BAZ1B: variants seen among roughly 807,000 people sequenced by gnomAD.
BAZ1B encodes bromodomain adjacent to zinc finger domain 1B.
In BAZ1B, 22 loss-of-function variants were observed where a neutral mutation model predicts 153.8. The observed-to-expected ratio is 0.14, with a 90% CI of 0.10 to 0.20. The LOEUF (loss-of-function observed/expected upper bound fraction) is 0.20. BAZ1B is among the 10% of genes least tolerant of loss of function. BAZ1B has a pLI of 1.00. For missense variants in BAZ1B, 1,325 were observed against 1,799.3 expected (o/e 0.74, Z 4.77); for synonymous variants, 676 against 633.4 (o/e 1.07, Z -1.01).
intron 6 of BAZ1B, among the ~76,000 whole-genome samples, chr7:73,481,776 G>C (rs531393330): frequency 6.6e-6 from 1 of 152,164 alleles, no homozygotes; most frequent in African/African-American, 2.4e-5. Context: ...GGTGGCTCAC[G>C]CCTGTAATCC....
chr7:73,493,181 C>T (rs1199034851), intron 4 of BAZ1B, among the ~76,000 whole-genome samples: 3 of 152,174 alleles, frequency 2.0e-5, no homozygotes, highest in Non-Finnish European at 4.4e-5. Flanking sequence ...CTATGAGAGG[C>T]CGGGCGTGGT....
intron 1 of BAZ1B, among the ~76,000 whole-genome samples, chr7:73,515,086 A>C (rs1790743572): frequency 6.6e-6 from 1 of 152,074 alleles, no homozygotes; most frequent in Admixed American, 6.6e-5. Flanking sequence ...AAAAACAAAA[A>C]ACCTCCAAAC....
chr7:73,493,601 G>A (rs1357953609), intron 4 of BAZ1B, among the ~76,000 whole-genome samples: 1 of 152,086 alleles, frequency 6.6e-6, no homozygotes, highest in African/African-American at 2.4e-5. Context: ...AGCACTTTGG[G>A]AGGCCAAGGC....
chr7:73,505,304 G>A (rs921883450), intron 3 of BAZ1B, among the ~76,000 whole-genome samples: 2 of 152,022 alleles, frequency 1.3e-5, no homozygotes, highest in Non-Finnish European at 2.9e-5. Flanking sequence ...CACAACTCAG[G>A]GGACAGCAAA....
rs1287497224 is a variant in BAZ1B, at chr7:73,481,812, C to G, written c.892-3243G>C. 2.6e-5 allele frequency among the ~76,000 whole-genome samples: 4 copies of G among 152,180 alleles called. No homozygotes were observed. In the South Asian group the frequency reaches 8.3e-4, roughly 32 times the overall value. Reference sequence around the variant, plus strand: ...CAGCACTTTGGAAGGCTGAGGCGGGCAGATCACGAGGTCAAGAGATCGAGA... The same window carrying G: ...CAGCACTTTGGAAGGCTGAGGCGGGGAGATCACGAGGTCAAGAGATCGAGA... On this transcript the variant is annotated intron_variant, in intron 6 of 19. Coordinates refer to ENST00000339594, the MANE Select transcript of BAZ1B (RefSeq NM_032408.4).
chr7:73,494,276 G>C (rs183282975), intron 4 of BAZ1B, among the ~76,000 whole-genome samples: 507 of 152,164 alleles, frequency 3.3e-3, no homozygotes, highest in Middle Eastern at 0.014. Flanking sequence ...CCAGCTACTC[G>C]GGAGGCTGAG....
At chr7:73,447,452 C>T (rs2237280) in intron 15 of BAZ1B, 73 bp from the exon 16 acceptor site, 65,471 of 1,511,298 alleles carry the variant, frequency 0.043, 5,661 homozygotes, top group East Asian at 0.36. Flanking sequence ...TCAAATCCCA[C>T]AGGGATCAGG....
chr7:73,453,970 A>C (rs1788105105), intron 13 of BAZ1B, among the ~76,000 whole-genome samples: 1 of 152,024 alleles, frequency 6.6e-6, no homozygotes, highest in Non-Finnish European at 1.5e-5. Context: ...ACAGAGTGAG[A>C]CCCTGTTATT....
rs782241773 is a variant in BAZ1B, at chr7:73,469,680, A to G, written c.2733-30T>C. 3 of 1,612,332 alleles carry G rather than the reference A, an allele frequency of 1.9e-6. No homozygotes were observed. The South Asian group carries it at 3.3e-5, about 18-fold the overall frequency. On this transcript the variant is annotated intron_variant, in intron 8 of 19. Coordinates refer to ENST00000339594, the MANE Select transcript of BAZ1B (RefSeq NM_032408.4). ...AAATCACAACCAGTATTAATAAGAC[A>G]GTGAATAGATCAGGATTGCAGGATG... is the stretch of plus-strand genomic sequence containing the variant.
At chr7:73,442,607 G>GC in intron 18 of BAZ1B, 54 bp from the exon 19 acceptor site, 1 of 1,562,154 alleles carries the variant, frequency 6.4e-7, no homozygotes, top group Non-Finnish European at 8.7e-7. Flanking sequence ...CAGTGCCCCT[G>GC]CCACTGAGAC....
chr7:73,444,595 A>G (rs1389357656), intron 16 of BAZ1B, among the ~76,000 whole-genome samples: 2 of 152,222 alleles, frequency 1.3e-5, no homozygotes, highest in Non-Finnish European at 2.9e-5. Context: ...GTTATTCTAC[A>G]CTTACCATCA....
chr7:73,507,967 C>T (rs1229139876), intron 3 of BAZ1B, among the ~76,000 whole-genome samples: 2 of 151,706 alleles, frequency 1.3e-5, no homozygotes, highest in Non-Finnish European at 2.9e-5. Flanking sequence ...CCAGCCTGGC[C>T]AAAATGGTGA....
At chr7:73,448,651 C>A (rs1301929239) in intron 15 of BAZ1B, among the ~76,000 whole-genome samples, 1 of 152,198 alleles carries the variant, frequency 6.6e-6, no homozygotes, top group East Asian at 1.9e-4. Context: ...AAGCCATGGG[C>A]AGTTTACCCA....
At chr7:73,495,935 T>A (rs1476304319) in intron 4 of BAZ1B, among the ~76,000 whole-genome samples, 1 of 152,318 alleles carries the variant, frequency 6.6e-6, no homozygotes, top group Admixed American at 6.5e-5. Flanking sequence ...ATAATTAATC[T>A]ATGCAACCAA....
intron 12 of BAZ1B, 151 bp from the exon 13 acceptor site, chr7:73,459,869 T>A: frequency 1.4e-6 from 1 of 701,016 alleles, no homozygotes; most frequent in Non-Finnish European, 2.3e-6. Flanking sequence ...TTAACTGTGC[T>A]CCTCAGTTCA....
At position 73,521,958 on chromosome 7, in the gene BAZ1B, C is replaced by A. The variant is rs1554580323; in HGVS notation, c.-25G>T. ...TCGCGGCGGCGGCGGTGGGGACTGGCGGCTGCTGGGGCCGGCCCCGCGGCG... is the reference window on the plus strand; with the variant it reads ...TCGCGGCGGCGGCGGTGGGGACTGGAGGCTGCTGGGGCCGGCCCCGCGGCG... On this transcript the variant is annotated 5_prime_UTR_variant, in exon 1 of 20. Transcript: ENST00000339594. The A allele has an allele frequency of 7.1e-7, 1 of 1,407,154 alleles. No individual in the cohort carries two copies. The highest frequency in any genetic ancestry group is 9.3e-7 in the Non-Finnish European group (1 of 1,071,286). 87.2% of individuals were successfully genotyped at this position (1,407,154 alleles called of 1,614,324 possible).
At chr7:73,475,672 C>T (rs1390979392) in intron 7 of BAZ1B, among the ~76,000 whole-genome samples, 3 of 152,182 alleles carry the variant, frequency 2.0e-5, no homozygotes, top group South Asian at 2.1e-4. Flanking sequence ...CAGTGGCTCA[C>T]GCCTGTAATC....
chr7:73,472,011 C>T (rs967536661), intron 7 of BAZ1B, among the ~76,000 whole-genome samples: 3 of 152,146 alleles, frequency 2.0e-5, no homozygotes, highest in South Asian at 4.1e-4. Flanking sequence ...TCAGAGGTTA[C>T]AGCACTGAAC....
In BAZ1B at chr7:73,492,801, T is replaced by G. The variant is rs1554575742; in HGVS notation, c.692A>C (p.Lys231Thr). ...GTAAAAAGTAAAGTGTCAACTAACC[T>G]TATCTTCATTTTGTAGTTTCACATC... ...KYDVKLQNED[K>T]IISNVPADSL... Residue 231 changes from lysine (K) to threonine (T), a missense_variant and splice_region_variant, in exon 5 of 20, where the codon AAG becomes ACG. Coordinates refer to ENST00000339594, the MANE Select transcript of BAZ1B (RefSeq NM_032408.4). 10 of 1,602,386 alleles carry G rather than the reference T, an allele frequency of 6.2e-6. No individual in the cohort carries two copies. Among genetic ancestry groups the G allele is most frequent in the African/African-American group, 2.7e-5 (2 of 74,328 alleles).
Sources: allele counts gnomAD v4.1 joint callset (sites outside exome capture counted in the v4.1 genomes callset), GRCh38; gene constraint gnomAD v4.1.1; transcripts MANE v1.5; gene names NCBI Gene and HGNC (gene_info 2026-07-23, HGNC 2026-07-21).